PRKAG2: variants seen among roughly 807,000 people sequenced by gnomAD.
The protein encoded by PRKAG2 is protein kinase AMP-activated non-catalytic subunit gamma 2.
PRKAG2 carries 26 observed loss-of-function variants against 69.6 expected under a neutral mutation model. The ratio of observed to expected loss-of-function variants is 0.37; its 90% CI spans 0.27 to 0.52. The LOEUF is 0.52. Among genes scored for constraint, PRKAG2 ranks in the 20% least tolerant of loss-of-function variants. The probability of loss-of-function intolerance (pLI) is 0.90; values close to 1 mark genes in which losing one functional copy is unlikely to be tolerated. For missense variants in PRKAG2, 557 were observed against 740.0 expected, an observed-to-expected ratio of 0.75 and a Z score of 2.87; for synonymous variants, 293 against 285.0, an observed-to-expected ratio of 1.03 and a Z score of -0.28.
intron 1 of PRKAG2, among the ~76,000 whole-genome samples, chr7:151,840,262 A>G (rs1417950725): frequency 6.6e-6 from 1 of 152,184 alleles, no homozygotes; most frequent in African/African-American, 2.4e-5. Context: ...CAGGTCCTCC[A>G]TGCCCAGAAT....
At chr7:151,758,077 A>G (rs969250790) in intron 3 of PRKAG2, among the ~76,000 whole-genome samples, 6 of 152,002 alleles carry the variant, frequency 3.9e-5, no homozygotes, top group Non-Finnish European at 7.4e-5. Context: ...CACCATGGTC[A>G]TCACCTAGAG....
chr7:151,700,426 T>C (rs1837478505), intron 3 of PRKAG2, among the ~76,000 whole-genome samples: 1 of 152,180 alleles, frequency 6.6e-6, no homozygotes, highest in South Asian at 2.1e-4. Flanking sequence ...GACTCTTCAG[T>C]GACCGACAGA....
rs949871906 is a variant in PRKAG2, at chr7:151,650,126, C to T, written c.685-17988G>A. Among the ~76,000 whole-genome samples, 5 of 152,000 alleles carry T rather than the reference C, an allele frequency of 3.3e-5. No individual in the cohort carries two copies. The South Asian group carries it at 6.2e-4, about 19-fold the overall frequency. ...GTCCCAGCTACTCAGGAGCCTGAGG[C>T]GGGAGGATTGCCTGGGAGGTGGAGG... On this transcript the variant is annotated intron_variant, in intron 4 of 15. Coordinates refer to ENST00000287878, the MANE Select transcript of PRKAG2 (RefSeq NM_016203.4).
chr7:151,564,380 T>C, intron 13 of PRKAG2, 156 bp from the exon 14 acceptor site: 1 of 708,098 alleles, frequency 1.4e-6, no homozygotes, highest in Non-Finnish European at 2.4e-6. Flanking sequence ...GCTTACGACA[T>C]GCCATTGCTA....
intron 3 of PRKAG2, among the ~76,000 whole-genome samples, chr7:151,710,545 A>C (rs1351606874): frequency 6.6e-6 from 1 of 152,174 alleles, no homozygotes; most frequent in Non-Finnish European, 1.5e-5. Flanking sequence ...GGGCCCGTGC[A>C]TGTGCTGTTC....
intron 1 of PRKAG2, among the ~76,000 whole-genome samples, chr7:151,870,134 TAGATAGATAGATAGATAGATAGGCAGGC>T (rs1303652473): frequency 2.3e-5 from 3 of 127,694 alleles, no homozygotes; most frequent in Non-Finnish European, 5.2e-5. Flanking sequence ...GATAGATAGA[TAGATAGATAGATAGATAGATAGGCAGGC>T]AGGCAGGCAG....
chr7:151,846,345 G>A (rs1185576758), intron 1 of PRKAG2, among the ~76,000 whole-genome samples: 2 of 152,160 alleles, frequency 1.3e-5, no homozygotes, highest in Non-Finnish European at 2.9e-5. Context: ...GCGCACGCCT[G>A]TAATCCCAGC....
chr7:151,763,654 C>G lies in PRKAG2; in HGVS notation c.466+17498G>C, dbSNP rs187792918. 2.9e-3 allele frequency among the ~76,000 whole-genome samples: 435 copies of G among 152,352 alleles called. 1 individual carries two copies. Among genetic ancestry groups the G allele is most frequent in the Non-Finnish European group, 4.6e-3 (310 of 68,024 alleles). The stretch of plus-strand genomic sequence containing the variant: ...GCCTGGCCGGACCTCCAGGGCTGAT[C>G]GTCCCCTCTCTTGAGGGACTCTTCT... On this transcript the variant is annotated intron_variant, in intron 3 of 15. Transcript: ENST00000287878.
intron 4 of PRKAG2, among the ~76,000 whole-genome samples, chr7:151,673,868 T>C (rs916006461): frequency 9.2e-5 from 12 of 130,910 alleles, no homozygotes; most frequent in African/African-American, 3.2e-4. Flanking sequence ...TTTGAGACAG[T>C]GTCTCGCTCT....
intron 1 of PRKAG2, among the ~76,000 whole-genome samples, chr7:151,817,049 C>T (rs909917940): frequency 6.6e-6 from 1 of 152,160 alleles, no homozygotes; most frequent in Admixed American, 6.5e-5. Context: ...GGAACATAAA[C>T]AACTCCACTC....
At chr7:151,817,020 A>T (rs930463710) in intron 1 of PRKAG2, among the ~76,000 whole-genome samples, 2 of 152,136 alleles carry the variant, frequency 1.3e-5, no homozygotes, top group African/African-American at 4.8e-5. Context: ...GGGACCCAGG[A>T]TCACTCATTA....
At chr7:151,779,106 C>G (rs1336337605) in intron 3 of PRKAG2, among the ~76,000 whole-genome samples, 1 of 152,130 alleles carries the variant, frequency 6.6e-6, no homozygotes, top group Admixed American at 6.5e-5. Flanking sequence ...TGAAAGAAAA[C>G]AGTTGAAAGA....
rs992336125 is a variant in PRKAG2 at position 151,567,393 on chromosome 7, T to G, written c.1233+1323A>C. On this transcript the variant is annotated intron_variant, in intron 11 of 15. Coordinates refer to ENST00000287878, the MANE Select transcript of PRKAG2 (RefSeq NM_016203.4). The surrounding 1 kb of genome is among the most constrained non-coding windows in gnomAD (Gnocchi z 4.2). ...TAGGGTAGCAGCGAGGATGAGATTA[T>G]GTCAAGTGCTTAGAACAGTGCCGGA... Among the ~76,000 whole-genome samples the G allele has an allele frequency of 6.6e-6, 1 of 152,172 alleles. No homozygotes were observed. Among genetic ancestry groups the G allele is most frequent in the Admixed American group, 6.5e-5 (1 of 15,280 alleles).
In PRKAG2 at chr7:151,624,137, C is replaced by CGTGT. The variant is rs58644630; in HGVS notation, c.754+7928_754+7931dup. ...CAGCTCCAAGTGGGACAGAAGGCAG[C>CGTGT]GTGTGTGTGTGTGTGTGTGTGTGTG... On this transcript the variant is annotated intron_variant, in intron 5 of 15. Coordinates refer to ENST00000287878, the MANE Select transcript of PRKAG2 (RefSeq NM_016203.4). 1.1e-3 allele frequency among the ~76,000 whole-genome samples: 153 copies of CGTGT among 145,176 alleles called. 1 individual carries two copies. Among genetic ancestry groups the CGTGT allele is most frequent in the East Asian group, 2.7e-3 (13 of 4,846 alleles).
chr7:151,851,355 A>AG (rs1491387087), intron 1 of PRKAG2, among the ~76,000 whole-genome samples: 7 of 112,112 alleles, frequency 6.2e-5, no homozygotes, highest in African/African-American at 3.3e-4. Context: ...AAAAAAAAAG[A>AG]AAAAAAAAAA....
In PRKAG2 at chr7:151,835,930, G is replaced by A. The variant is rs1387643087; in HGVS notation, c.114+40577C>T. 6.6e-6 allele frequency among the ~76,000 whole-genome samples: 1 copy of A among 152,172 alleles called. No individual in the cohort carries two copies. The highest frequency in any genetic ancestry group is 2.4e-5 in the African/African-American group (1 of 41,422). ...GCAGCTCAGGGAGGCATCGGAGATG[G>A]GGACTGTGACGAGGCCAATCCACGG... is the stretch of plus-strand genomic sequence containing the variant. On this transcript the variant is annotated intron_variant, in intron 1 of 15. Transcript: ENST00000287878. The surrounding 1 kb of genome is among the most constrained non-coding windows in gnomAD (Gnocchi z 4.1).
chr7:151,647,588 C>T (rs940981795), intron 4 of PRKAG2, among the ~76,000 whole-genome samples: 3 of 152,162 alleles, frequency 2.0e-5, no homozygotes, highest in African/African-American at 7.2e-5. Flanking sequence ...GAAAGGTGGA[C>T]ATTCGGGTGG....
At chr7:151,689,344 G>A (rs1210965052) in intron 3 of PRKAG2, among the ~76,000 whole-genome samples, 1 of 152,166 alleles carries the variant, frequency 6.6e-6, no homozygotes, top group Non-Finnish European at 1.5e-5. Context: ...GGCACAGGTG[G>A]GAAGGGCTGT....
At chr7:151,656,263 C>T (rs1223117943) in intron 4 of PRKAG2, among the ~76,000 whole-genome samples, 1 of 152,042 alleles carries the variant, frequency 6.6e-6, no homozygotes, top group African/African-American at 2.4e-5. Context: ...AATAAGAAAA[C>T]CCAGAATTTG....
Sources: gnomAD v4.1 joint callset for allele counts (sites outside exome capture counted in the v4.1 genomes callset) on GRCh38, gnomAD v4.1.1 for gene constraint, Gnocchi (gnomAD v3.1) non-coding constraint, MANE v1.5 for transcripts, NCBI Gene and HGNC (gene_info 2026-07-23, HGNC 2026-07-21) for gene names.